R3HDM1: variants seen among roughly 807,000 people sequenced by gnomAD.
R3HDM1 encodes R3H domain-containing protein 1.
A neutral mutation model predicts 141.1 loss-of-function variants in R3HDM1; 46 were observed. The observed-to-expected ratio is 0.33, with a 90% CI of 0.26 to 0.42. The LOEUF is 0.42. R3HDM1 is among the 10% of genes least tolerant of loss of function. The pLI, the probability that R3HDM1 is intolerant of heterozygous loss-of-function variation, is 1.00. For missense variants in R3HDM1, 1,184 were observed against 1,368.3 expected, an observed-to-expected ratio of 0.87 and a Z score of 2.12; for synonymous variants, 435 against 472.9, an observed-to-expected ratio of 0.92 and a Z score of 1.04.
At chr2:135,659,805 A>G (rs930305565) in intron 18 of R3HDM1, among the ~76,000 whole-genome samples, 1 of 152,248 alleles carries the variant, frequency 6.6e-6, no homozygotes, top group Non-Finnish European at 1.5e-5. Context: ...ACAGCCATTT[A>G]TTATCATTAC....
chr2:135,650,104 T>G, intron 17 of R3HDM1, 101 bp downstream of exon 17: 1 of 1,018,992 alleles, frequency 9.8e-7, no homozygotes, highest in Non-Finnish European at 1.2e-6. Context: ...GTGATTTTTT[T>G]TGGGTCAGGT....
At chr2:135,659,946 T>C (rs1431789811) in intron 18 of R3HDM1, among the ~76,000 whole-genome samples, 1 of 152,154 alleles carries the variant, frequency 6.6e-6, no homozygotes, top group African/African-American at 2.4e-5. Flanking sequence ...CTTTATAATC[T>C]TAGGGGGCCA....
Position 135,619,775 on chromosome 2 carries a change from A to G in R3HDM1, c.304-1719A>G, listed in dbSNP as rs2061376471. 1.8e-5 allele frequency: 17 copies of G among 933,678 alleles called. No homozygotes were observed. In the South Asian group the frequency reaches 8.4e-4, roughly 46 times the overall value. 57.8% of individuals were successfully genotyped at this position (933,678 alleles called of 1,614,324 possible). Reference sequence around the variant, plus strand: ...GATTTTTGAGGAATTAATCTGGAATAAAACTCATTATTCAAAAAGTTGAGA... The same window carrying G: ...GATTTTTGAGGAATTAATCTGGAATGAAACTCATTATTCAAAAAGTTGAGA... On this transcript the variant is annotated intron_variant, in intron 5 of 26. Coordinates refer to ENST00000683871, the MANE Select transcript of R3HDM1 (RefSeq NM_001378107.1).
chr2:135,670,233 A>T, intron 19 of R3HDM1: 1 of 721,146 alleles, frequency 1.4e-6, no homozygotes, highest in Non-Finnish European at 1.7e-6. Flanking sequence ...TAAATTTAAA[A>T]TGAAAATATA....
chr2:135,670,085 G>A (rs1418377255), intron 19 of R3HDM1, among the ~76,000 whole-genome samples: 12 of 142,050 alleles, frequency 8.4e-5, no homozygotes, highest in Admixed American at 1.5e-4. Flanking sequence ...AGCCGAGATT[G>A]CACCGCTGCA....
At chr2:135,532,164 CA>C (rs914981348) in intron 1 of R3HDM1, among the ~76,000 whole-genome samples, 4 of 152,254 alleles carry the variant, frequency 2.6e-5, no homozygotes, top group Admixed American at 1.3e-4. Context: ...GGCCTTGCAC[CA>C]AGAGAATTTT....
In R3HDM1 at chr2:135,709,531, G is replaced by A. The variant is rs1364393970; in HGVS notation, c.2558G>A (p.Cys853Tyr). ...CSSQQLQGHQ[C>Y]TAGPPPPPGG... The stretch of plus-strand genomic sequence containing the variant: ...TCCCAGCAGCTTCAAGGCCACCAAT[G>A]TACAGGTATAAAGAAATCAGTGAAA... Residue 853 changes from cysteine (C) to tyrosine (Y), a missense_variant, in exon 22 of 27, where the codon TGT becomes TAT. Physicochemically the swap from Cys to Tyr is radical, Grantham distance 194. Coordinates refer to ENST00000683871, the MANE Select transcript of R3HDM1 (RefSeq NM_001378107.1). 1.2e-6 allele frequency: 2 copies of A among 1,613,980 alleles called. No homozygotes were observed. Among genetic ancestry groups the A allele is most frequent in the South Asian group, 1.1e-5 (1 of 91,072 alleles).
chr2:135,636,974 G>A (rs776714208), intron 11 of R3HDM1, among the ~76,000 whole-genome samples: 1 of 152,106 alleles, frequency 6.6e-6, no homozygotes, highest in Non-Finnish European at 1.5e-5. Context: ...TACTATCATT[G>A]TTTTTATTTT....
At chr2:135,553,530 T>C (rs1431467583) in intron 1 of R3HDM1, among the ~76,000 whole-genome samples, 1 of 152,212 alleles carries the variant, frequency 6.6e-6, no homozygotes, top group African/African-American at 2.4e-5. Flanking sequence ...AATATTTGAA[T>C]GTCGGTCAAG....
intron 1 of R3HDM1, among the ~76,000 whole-genome samples, chr2:135,540,600 G>A (rs1020759290): frequency 1.2e-4 from 18 of 152,034 alleles, no homozygotes; most frequent in African/African-American, 4.1e-4. Context: ...ATTTATTTTT[G>A]TAGGGACAGG....
At chr2:135,543,796 G>A (rs1317907606) in intron 1 of R3HDM1, among the ~76,000 whole-genome samples, 1 of 152,126 alleles carries the variant, frequency 6.6e-6, no homozygotes, top group Non-Finnish European at 1.5e-5. Context: ...ATGTGGTTTG[G>A]GTTGAAATAT....
chr2:135,643,221 A>G (rs1299417986), intron 15 of R3HDM1, among the ~76,000 whole-genome samples: 1 of 152,034 alleles, frequency 6.6e-6, no homozygotes, highest in Non-Finnish European at 1.5e-5. Flanking sequence ...TGCTCCACCA[A>G]TTTTTTCTCC....
rs974294209 is a variant in R3HDM1 at position 135,581,301 on chromosome 2, A to G, written c.-249-21199A>G. The G allele has an allele frequency of 7.1e-6, 7 of 984,968 alleles. No individual in the cohort carries two copies. The African/African-American group carries it at 1.2e-4, about 17-fold the overall frequency. The allele number at this position is 984,968 out of a possible 1,614,324, so 61.0% of individuals were successfully genotyped here. On this transcript the variant is annotated intron_variant, in intron 1 of 26. Coordinates refer to ENST00000683871, the MANE Select transcript of R3HDM1 (RefSeq NM_001378107.1). The stretch of plus-strand genomic sequence containing the variant: ...TTCCCTGTAGATCCACAGTAGGGGA[A>G]CTCTCATGCGTCCTTCCTTATACTC...
intron 1 of R3HDM1, 88 bp from the exon 2 acceptor site, chr2:135,602,412 G>A (rs1407193764): frequency 1.1e-6 from 1 of 891,220 alleles, no homozygotes; most frequent in Non-Finnish European, 1.5e-6. Flanking sequence ...ACAACTGACA[G>A]TAATATTTTT....
At chr2:135,636,430 G>C (rs1054580841) in intron 11 of R3HDM1, among the ~76,000 whole-genome samples, 4 of 152,168 alleles carry the variant, frequency 2.6e-5, no homozygotes, top group African/African-American at 7.2e-5. Flanking sequence ...GTCATTAAAA[G>C]AATGTTCTCC....
At chr2:135,681,737 C>T (rs1160970100) in intron 21 of R3HDM1, among the ~76,000 whole-genome samples, 3 of 152,102 alleles carry the variant, frequency 2.0e-5, no homozygotes, top group South Asian at 4.1e-4. Flanking sequence ...TTAAAGGGTT[C>T]ATGATCTCAA....
chr2:135,602,420 T>G (rs1451779737), intron 1 of R3HDM1, 80 bp from the exon 2 acceptor site: 1 of 978,756 alleles, frequency 1.0e-6, no homozygotes, highest in Non-Finnish European at 1.3e-6. Context: ...CAGTAATATT[T>G]TTAATTTCTC....
At chr2:135,590,909 C>T (rs1709111506) in intron 1 of R3HDM1, among the ~76,000 whole-genome samples, 1 of 152,178 alleles carries the variant, frequency 6.6e-6, no homozygotes, top group Admixed American at 6.5e-5. Context: ...CTAGCCTTTT[C>T]CTTCTAACAT....
Position 135,534,823 on chromosome 2 carries a change from T to G in R3HDM1, c.-250+3190T>G, listed in dbSNP as rs186911758. 1.7e-3 allele frequency among the ~76,000 whole-genome samples: 260 copies of G among 152,170 alleles called. 1 individual carries two copies. In the Middle Eastern group the frequency reaches 0.037, roughly 22 times the overall value. On this transcript the variant is annotated intron_variant, in intron 1 of 26. Transcript: ENST00000683871. ...TTGCCATGCCTTGCAAGTAATAGGG[T>G]TTTTTTTCTTCTTTTTTGAACTGGT...
Sources: gnomAD v4.1 joint callset for allele counts (sites outside exome capture counted in the v4.1 genomes callset) on GRCh38, gnomAD v4.1.1 for gene constraint, MANE v1.5 for transcripts, NCBI Gene and HGNC (gene_info 2026-07-23, HGNC 2026-07-21) for gene names.